The following PTPRZ1 variants were observed in gnomAD, a reference collection of about 807,000 sequenced individuals.
PTPRZ1 encodes the protein protein tyrosine phosphatase receptor type Z1.
Under a neutral mutation model 214.1 loss-of-function variants are expected in PTPRZ1, and 82 were observed. The observed-to-expected ratio is 0.38, with a 90% CI of 0.32 to 0.46. PTPRZ1 has a LOEUF of 0.46. PTPRZ1 is among the 20% of genes least tolerant of loss of function. PTPRZ1 has a pLI of 1.00. For missense variants in PTPRZ1, 2,603 were observed against 2,748.7 expected, an observed-to-expected ratio of 0.95 and a Z score of 1.19; for synonymous variants, 945 against 987.9, an observed-to-expected ratio of 0.96 and a Z score of 0.81.
rs1308878037 is a variant in PTPRZ1, at chr7:122,039,460, T to C, written c.5509T>C (p.Cys1837Arg). Reference sequence around the variant, plus strand: ...TCTACATTTTCTTTTGCAGAGAAAATGTGATCAGTACTGGCCTGCCGATGG... The same window carrying C: ...TCTACATTTTCTTTTGCAGAGAAAACGTGATCAGTACTGGCCTGCCGATGG... ...TNLVEKGRRK[C>R]DQYWPADGSE... The change falls in exon 20 of 30, where the codon TGT (cysteine) becomes CGT (arginine). Residue 1837 changes from cysteine to arginine, a missense_variant. This residue lies in a region of PTPRZ1 where 1,913 missense variants were observed against 1,914.3 expected (regional missense o/e 1.00). Transcript: ENST00000393386. 1 of 1,607,720 alleles carries C rather than the reference T, an allele frequency of 6.2e-7. No homozygotes were observed. The highest frequency in any genetic ancestry group is 1.7e-5 in the Admixed American group (1 of 58,182).
At chr7:121,904,565 G>A (rs1011382131) in intron 1 of PTPRZ1, among the ~76,000 whole-genome samples, 3 of 152,134 alleles carry the variant, frequency 2.0e-5, no homozygotes, top group African/African-American at 7.2e-5. Context: ...TTTTAACACA[G>A]TAAGTAATCT....
At chr7:122,023,165 A>G (rs1263677507) in intron 13 of PTPRZ1, among the ~76,000 whole-genome samples, 3 of 152,062 alleles carry the variant, frequency 2.0e-5, no homozygotes, top group Non-Finnish European at 4.4e-5. Context: ...TTAATCTCAA[A>G]GTTTTATAAT....
intron 29 of PTPRZ1, among the ~76,000 whole-genome samples, chr7:122,060,422 A>G (rs988416035): frequency 1.3e-5 from 2 of 152,196 alleles, no homozygotes; most frequent in Non-Finnish European, 2.9e-5. Context: ...TTCGGCTATG[A>G]TGCTGCTCAC....
chr7:122,054,215 CAA>C (rs1265302131), intron 26 of PTPRZ1, among the ~76,000 whole-genome samples, 177 bp downstream of exon 26: 1 of 151,932 alleles, frequency 6.6e-6, no homozygotes, highest in Non-Finnish European at 1.5e-5. Context: ...TCTCCTAGGT[CAA>C]AGTGATGAAT....
chr7:122,015,794 AAG>A (rs1232349346), intron 12 of PTPRZ1, among the ~76,000 whole-genome samples: 1 of 152,052 alleles, frequency 6.6e-6, no homozygotes, highest in Non-Finnish European at 1.5e-5. Context: ...TTTAATTATC[AAG>A]AGTGTGTTCT....
intron 6 of PTPRZ1, among the ~76,000 whole-genome samples, chr7:121,980,843 T>G (rs1294027982): frequency 6.6e-6 from 1 of 152,214 alleles, no homozygotes; most frequent in Non-Finnish European, 1.5e-5. Flanking sequence ...ATGTGGAAAG[T>G]GTGGTTAAGA....
At chr7:121,960,307 C>A (rs977449694) in intron 2 of PTPRZ1, among the ~76,000 whole-genome samples, 1 of 152,204 alleles carries the variant, frequency 6.6e-6, no homozygotes, top group South Asian at 2.1e-4. Flanking sequence ...TCCCAAAGTG[C>A]TGGGATTACA....
chr7:121,884,017 A>T (rs1051254007), intron 1 of PTPRZ1, among the ~76,000 whole-genome samples: 3 of 152,206 alleles, frequency 2.0e-5, no homozygotes, highest in Non-Finnish European at 2.9e-5. Flanking sequence ...AAATTAATCA[A>T]TTACTAAGTT....
In PTPRZ1 at chr7:122,042,690, T is replaced by C; in HGVS notation, c.5884T>C (p.Phe1962Leu). 6.2e-7 allele frequency: 1 copy of C among 1,613,664 alleles called. No individual in the cohort carries two copies. The highest frequency in any genetic ancestry group is 8.5e-7 in the Non-Finnish European group (1 of 1,179,592). ...TCAACACGAAGGAACTGTCAACATA[T>C]TTGGCTTCTTAAAACACATCCGTTC... ...QIQHEGTVNI[F>L]GFLKHIRSQR... The change falls in exon 22 of 30, where the codon TTT (phenylalanine) becomes CTT (leucine). Residue 1962 changes from phenylalanine to leucine, a missense_variant. Physicochemically the swap from Phe to Leu is conservative, Grantham distance 22. Around this residue, in one of 6 missense-constraint regions of PTPRZ1, gnomAD observed 1,913 missense variants for 1,914.3 expected, o/e 1.00. Coordinates refer to ENST00000393386, the MANE Select transcript of PTPRZ1 (RefSeq NM_002851.3).
chr7:122,043,468 C>T (rs1799791725), intron 22 of PTPRZ1, among the ~76,000 whole-genome samples: 2 of 152,048 alleles, frequency 1.3e-5, no homozygotes, highest in Admixed American at 1.3e-4. Flanking sequence ...ATAGTTTACC[C>T]GTAAGTGACA....
chr7:121,925,210 G>A (rs2116360224), intron 1 of PTPRZ1, among the ~76,000 whole-genome samples: 1 of 152,234 alleles, frequency 6.6e-6, no homozygotes, highest in South Asian at 2.1e-4. Context: ...AGACTGTTAA[G>A]TCTCAGTCAG....
At chr7:121,946,660 C>T (rs1455045833) in intron 2 of PTPRZ1, among the ~76,000 whole-genome samples, 4 of 151,994 alleles carry the variant, frequency 2.6e-5, no homozygotes, top group Non-Finnish European at 4.4e-5. Flanking sequence ...AAATACCTCC[C>T]CTCAAAATAC....
chr7:121,944,909 C>T (rs1178246888), intron 2 of PTPRZ1, among the ~76,000 whole-genome samples: 1 of 152,116 alleles, frequency 6.6e-6, no homozygotes, highest in Non-Finnish European at 1.5e-5. Flanking sequence ...TCCTTTAGCG[C>T]TGGAATTACA....
At chr7:121,947,801 G>T (rs1796430486) in intron 2 of PTPRZ1, among the ~76,000 whole-genome samples, 1 of 151,978 alleles carries the variant, frequency 6.6e-6, no homozygotes, top group Non-Finnish European at 1.5e-5. Context: ...AATAGATCTG[G>T]CATGGTAACA....
At chr7:121,974,629 A>T (rs1013430532) in intron 4 of PTPRZ1, among the ~76,000 whole-genome samples, 1 of 152,134 alleles carries the variant, frequency 6.6e-6, no homozygotes, top group Non-Finnish European at 1.5e-5. Context: ...CTGGGATTAC[A>T]GGTGCATGCC....
intron 2 of PTPRZ1, among the ~76,000 whole-genome samples, chr7:121,932,907 A>C (rs1029224087): frequency 6.6e-6 from 1 of 152,144 alleles, no homozygotes; most frequent in African/African-American, 2.4e-5. Context: ...CAATTATGCT[A>C]AGAAATGACA....
intron 2 of PTPRZ1, among the ~76,000 whole-genome samples, chr7:121,958,190 G>C (rs961186785): frequency 6.6e-6 from 1 of 152,062 alleles, no homozygotes; most frequent in Non-Finnish European, 1.5e-5. Context: ...TCTGTAGTCT[G>C]AATTGCAAGT....
At chr7:121,936,059 T>A (rs1457402025) in intron 2 of PTPRZ1, among the ~76,000 whole-genome samples, 2 of 152,250 alleles carry the variant, frequency 1.3e-5, no homozygotes, top group Non-Finnish European at 1.5e-5. Flanking sequence ...TAATTTTATG[T>A]TGACCTGTGT....
chr7:121,913,829 C>T (rs1380873044), intron 1 of PTPRZ1, among the ~76,000 whole-genome samples: 1 of 151,946 alleles, frequency 6.6e-6, no homozygotes, highest in Non-Finnish European at 1.5e-5. Flanking sequence ...GAATTCTCAA[C>T]TTATTCACAC....
Sources: gnomAD v4.1 joint callset for allele counts (sites outside exome capture counted in the v4.1 genomes callset) on GRCh38, gnomAD v4.1.1 for gene constraint, gnomAD v4.1.1 regional missense constraint, MANE v1.5 for transcripts, NCBI Gene and HGNC (gene_info 2026-07-23, HGNC 2026-07-21) for gene names.